MED13L: variants seen among roughly 807,000 people sequenced by gnomAD.
The protein encoded by MED13L is mediator of RNA polymerase II transcription subunit 13-like.
MED13L carries 7 observed loss-of-function variants against 220.9 expected under a neutral mutation model. The ratio of observed to expected loss-of-function variants is 0.03; its 90% CI spans 0.02 to 0.06. The LOEUF (loss-of-function observed/expected upper bound fraction) is 0.06. Among genes scored for constraint, MED13L ranks in the 10% least tolerant of loss-of-function variants. The pLI is 1.00. For synonymous variants in MED13L, 1,011 were observed against 1,015.2 expected, an observed-to-expected ratio of 1.00 and a Z score of 0.08; for missense variants, 1,965 against 2,760.5, an observed-to-expected ratio of 0.71 and a Z score of 6.46.
chr12:116,076,665 A>G (rs768301348), intron 4 of MED13L, among the ~76,000 whole-genome samples: 5 of 152,226 alleles, frequency 3.3e-5, no homozygotes, highest in Admixed American at 6.5e-5. Flanking sequence ...ATGAATCACC[A>G]TAATATTGTG....
intron 1 of MED13L, among the ~76,000 whole-genome samples, chr12:116,267,234 A>G (rs1872900654): frequency 6.6e-6 from 1 of 152,242 alleles, no homozygotes; most frequent in South Asian, 2.1e-4. Context: ...ACACCATGCA[A>G]CTGTGAATCA....
At chr12:116,235,601 C>T (rs777271165) in intron 2 of MED13L, among the ~76,000 whole-genome samples, 3 of 152,002 alleles carry the variant, frequency 2.0e-5, no homozygotes, top group Non-Finnish European at 4.4e-5. Context: ...TCAATCTTTG[C>T]TTAACTCTTT....
intron 1 of MED13L, among the ~76,000 whole-genome samples, chr12:116,256,682 C>CTTTTTTTTT (rs35608298): frequency 2.1e-5 from 2 of 96,232 alleles, no homozygotes; most frequent in Non-Finnish European, 3.9e-5. Flanking sequence ...AAACAAACTA[C>CTTTTTTTTT]TTTTTTTTTT....
At chr12:116,234,733 C>T (rs1191806476) in intron 2 of MED13L, among the ~76,000 whole-genome samples, 1 of 152,126 alleles carries the variant, frequency 6.6e-6, no homozygotes, top group East Asian at 1.9e-4. Flanking sequence ...TCTCTGCTCA[C>T]TGCAACCTTG....
intron 2 of MED13L, among the ~76,000 whole-genome samples, chr12:116,203,563 TA>T (rs1882136605): frequency 6.6e-6 from 1 of 152,130 alleles, no homozygotes; most frequent in South Asian, 2.1e-4. Context: ...CTCACACCTG[TA>T]ATCCAAGCAC....
At chr12:116,238,730 A>G (rs1402407331) in intron 1 of MED13L, among the ~76,000 whole-genome samples, 1 of 152,240 alleles carries the variant, frequency 6.6e-6, no homozygotes, top group Admixed American at 6.5e-5. Flanking sequence ...TAAAAGTGCT[A>G]AAGCAATCAA....
At chr12:116,247,700 T>TAC (rs968517737) in intron 1 of MED13L, among the ~76,000 whole-genome samples, 22 of 152,122 alleles carry the variant, frequency 1.4e-4, no homozygotes, top group South Asian at 4.1e-4. Context: ...TATATATATA[T>TAC]ACACACACAT....
At chr12:116,094,669 G>T (rs1048665967) in intron 4 of MED13L, among the ~76,000 whole-genome samples, 3 of 152,078 alleles carry the variant, frequency 2.0e-5, no homozygotes, top group Non-Finnish European at 4.4e-5. Context: ...GCTATTTTAT[G>T]ACTAGCTCAT....
At chr12:116,091,120 CAA>C (rs5801163) in intron 4 of MED13L, among the ~76,000 whole-genome samples, 8,387 of 87,646 alleles carry the variant, frequency 0.096, 151 homozygotes, top group South Asian at 0.14. Flanking sequence ...AACTCTGTCT[CAA>C]AAAAAAAAAA....
At chr12:116,170,895 C>T (rs1879636832) in intron 2 of MED13L, among the ~76,000 whole-genome samples, 1 of 152,162 alleles carries the variant, frequency 6.6e-6, no homozygotes, top group African/African-American at 2.4e-5. Flanking sequence ...AGCTGCAGCA[C>T]CTGACAAATT....
At chr12:116,218,577 C>T (rs1883136867) in intron 2 of MED13L, among the ~76,000 whole-genome samples, 1 of 151,480 alleles carries the variant, frequency 6.6e-6, no homozygotes, top group Admixed American at 6.6e-5. Context: ...TTTTTTTTGA[C>T]ACTAACATCA....
chr12:116,138,005 T>C (rs908922552), intron 2 of MED13L, among the ~76,000 whole-genome samples: 14 of 151,938 alleles, frequency 9.2e-5, no homozygotes, highest in Non-Finnish European at 1.6e-4. Context: ...TACAGGCGCC[T>C]GCCACTACAT....
chr12:116,144,673 C>T (rs192067269), intron 2 of MED13L, among the ~76,000 whole-genome samples: 3 of 152,110 alleles, frequency 2.0e-5, no homozygotes, highest in Admixed American at 6.5e-5. Context: ...TGAGATAACA[C>T]GTAAAGGTGC....
At chr12:116,138,355 A>G (rs1876764673) in intron 2 of MED13L, among the ~76,000 whole-genome samples, 4 of 152,210 alleles carry the variant, frequency 2.6e-5, no homozygotes, top group Admixed American at 1.3e-4. Flanking sequence ...TGTTACGTAC[A>G]GGGACTGGAG....
Position 115,983,433 on chromosome 12 carries a change from G to A in MED13L, c.4639C>T (p.Pro1547Ser). 6.2e-7 allele frequency: 1 copy of A among 1,614,200 alleles called. No individual in the cohort carries two copies. Among genetic ancestry groups the A allele is most frequent in the Non-Finnish European group, 8.5e-7 (1 of 1,180,012 alleles). Residue 1547 changes from proline (P) to serine (S), a missense_variant, in exon 21 of 31, where the codon CCC (proline) becomes TCC (serine). By Grantham distance (74) the Pro-to-Ser change is moderately conservative (BLOSUM62 -1). Transcript: ENST00000281928. ...GCTGCTGATCCATTTGGAGCTAAGG[G>A]CCCAGCATTCCCTGGCGTAGCTTGT... ...QGQATPGNAG[P>S]LAPNGSAAPP...
chr12:116,085,359 T>C (rs1180269116), intron 4 of MED13L, among the ~76,000 whole-genome samples: 1 of 152,092 alleles, frequency 6.6e-6, no homozygotes, highest in Non-Finnish European at 1.5e-5. Context: ...AAACCAATAA[T>C]TATAAGAATC....
chr12:116,271,856 T>A (rs1392311722), intron 1 of MED13L, among the ~76,000 whole-genome samples: 1 of 152,156 alleles, frequency 6.6e-6, no homozygotes, highest in Non-Finnish European at 1.5e-5. Flanking sequence ...CTAATCTGGC[T>A]AACTGGTTAG....
rs191392277 is a variant in MED13L at position 116,098,740 on chromosome 12, G to A, written c.396-1988C>T. ...CACAATGAAGAAAATCATTTTCAGC[G>A]TAACCAAATCTCTTTTCCTAAGCTT... is the stretch of plus-strand genomic sequence containing the variant. On this transcript the variant is annotated intron_variant, in intron 3 of 30. Coordinates refer to ENST00000281928, the MANE Select transcript of MED13L (RefSeq NM_015335.5). Among the ~76,000 whole-genome samples the A allele has an allele frequency of 2.5e-4, 38 of 152,046 alleles. No individual in the cohort carries two copies. In the East Asian group the frequency reaches 2.5e-3, roughly 10 times the overall value.
chr12:116,032,576 GT>G (rs1880918858), intron 4 of MED13L, among the ~76,000 whole-genome samples: 1 of 152,114 alleles, frequency 6.6e-6, no homozygotes, highest in Non-Finnish European at 1.5e-5. Flanking sequence ...TGAAATTACT[GT>G]TCCCTGTGCC....
Sources: allele counts gnomAD v4.1 joint callset (sites outside exome capture counted in the v4.1 genomes callset), GRCh38; gene constraint gnomAD v4.1.1; transcripts MANE v1.5; gene names NCBI Gene and HGNC (gene_info 2026-07-23, HGNC 2026-07-21).